Variants in KLHL26 observed in about 807,000 individuals in gnomAD.
KLHL26 encodes the protein kelch like family member 26.
A neutral mutation model predicts 7.1 loss-of-function variants in KLHL26; 4 were observed. That is an observed-to-expected ratio of 0.56 (90% CI 0.28 to 1.28). The LOEUF is 1.28. Ranked by LOEUF, KLHL26 falls within the 50% of genes most tolerant of loss-of-function variation. The probability of loss-of-function intolerance (pLI) is 0.11; values close to 1 mark genes in which losing one functional copy is unlikely to be tolerated. For missense variants in KLHL26, 896 were observed against 924.6 expected, an observed-to-expected ratio of 0.97 and a Z score of 0.40; for synonymous variants, 465 against 414.1, an observed-to-expected ratio of 1.12 and a Z score of -1.49.
In KLHL26 at chr19:18,664,346, C is replaced by T. The variant is rs202208933; in HGVS notation, c.169C>T (p.Arg57Cys). The T allele has an allele frequency of 5.6e-6, 9 of 1,609,640 alleles. No homozygotes were observed. The highest frequency in any genetic ancestry group is 3.3e-5 in the Admixed American group (2 of 60,004). The part of the protein sequence containing the change: ...TSLLQGLATL[R>C]AQGQLLDVVL... ...CCTCCTGCAGGGCCTGGCCACCCTC[C>T]GCGCTCAGGGCCAGCTCCTCGATGT... The change falls in exon 2 of 3, where the codon CGC becomes TGC. Residue 57 changes from arginine (R) to cysteine (C), a missense_variant. Transcript: ENST00000300976.
intron 1 of KLHL26, among the ~76,000 whole-genome samples, chr19:18,652,186 C>T (rs1227253339): frequency 5.3e-5 from 8 of 152,070 alleles, no homozygotes; most frequent in Non-Finnish European, 1.0e-4. Flanking sequence ...ACAGGATGTG[C>T]AGGAGAGTCC....
At chr19:18,652,181 A>T (rs553663666) in intron 1 of KLHL26, among the ~76,000 whole-genome samples, 1 of 152,248 alleles carries the variant, frequency 6.6e-6, no homozygotes, top group South Asian at 2.1e-4. Context: ...CAGAGACAGG[A>T]TGTGCAGGAG....
At chr19:18,642,687 G>T (rs1435165929) in intron 1 of KLHL26, among the ~76,000 whole-genome samples, 2 of 151,206 alleles carry the variant, frequency 1.3e-5, no homozygotes, top group Non-Finnish European at 2.9e-5. Flanking sequence ...TTGTTTGTTT[G>T]GTTTGGTTTG....
chr19:18,665,488 G>T (rs2052438747), intron 2 of KLHL26, among the ~76,000 whole-genome samples: 2 of 152,266 alleles, frequency 1.3e-5, no homozygotes, highest in African/African-American at 4.8e-5. Flanking sequence ...GAGCAGGACA[G>T]CTGGGGGACT....
intron 1 of KLHL26, among the ~76,000 whole-genome samples, chr19:18,651,683 A>G (rs1460935291): frequency 6.6e-6 from 1 of 152,246 alleles, no homozygotes; most frequent in Non-Finnish European, 1.5e-5. Context: ...TGGGGCTTCA[A>G]CACCTGTCCT....
chr19:18,669,106 G>A lies in KLHL26; in HGVS notation c.1709G>A (p.Arg570His). The change falls in exon 3 of 3, where the codon CGT becomes CAT. Residue 570 changes from arginine to histidine, a missense_variant. By Grantham distance (29) the Arg-to-His change is conservative. Coordinates refer to ENST00000300976, the MANE Select transcript of KLHL26 (RefSeq NM_018316.3). Reference sequence around the variant, plus strand: ...TACATCGTCGGGGGCTACAACTGGCGTCTCAACAACGTCACGGGCATCGTA... The same window carrying A: ...TACATCGTCGGGGGCTACAACTGGCATCTCAACAACGTCACGGGCATCGTA... ...KIYIVGGYNW[R>H]LNNVTGIVQV... The A allele has an allele frequency of 1.2e-6, 2 of 1,612,938 alleles. No homozygotes were observed. Among genetic ancestry groups the A allele is most frequent in the Middle Eastern group, 1.7e-4 (1 of 6,060 alleles).
At chr19:18,642,505 C>T (rs545404700) in intron 1 of KLHL26, among the ~76,000 whole-genome samples, 68 of 152,026 alleles carry the variant, frequency 4.5e-4, no homozygotes, top group African/African-American at 1.5e-3. Flanking sequence ...GCTGGGATTA[C>T]GGGCGCCTGC....
chr19:18,644,941 A>G (rs980018760), intron 1 of KLHL26, among the ~76,000 whole-genome samples: 4 of 152,096 alleles, frequency 2.6e-5, no homozygotes, highest in East Asian at 3.9e-4. Context: ...ACCGCCCCCA[A>G]CGTTATATAA....
In KLHL26 at chr19:18,649,228, CA is replaced by C. The variant is rs768093385; in HGVS notation, c.83+12092del. ...CTGTAGAATGTACGTTCCCCAAGGG[CA>C]GGGCTTTATCAGATCTTTTTACAGT... On this transcript the variant is annotated intron_variant, in intron 1 of 2. Transcript: ENST00000300976. This position sits in a 1 kb window ranked among gnomAD's most constrained non-coding sequence, Gnocchi z 4.0. 5.3e-5 allele frequency among the ~76,000 whole-genome samples: 8 copies of C among 152,356 alleles called. No individual in the cohort carries two copies. The East Asian group carries it at 1.4e-3, about 26-fold the overall frequency.
At chr19:18,657,216 C>CCTGGGTCTCTGTCTCCCTGTCT (rs2052343764) in intron 1 of KLHL26, among the ~76,000 whole-genome samples, 1 of 139,374 alleles carries the variant, frequency 7.2e-6, no homozygotes, top group African/African-American at 2.7e-5. Flanking sequence ...TCTCCCTGTC[C>CCTGGGTCTCTGTCTCCCTGTCT]CTGGGTCTCT....
chr19:18,652,243 C>T (rs1194003420), intron 1 of KLHL26, among the ~76,000 whole-genome samples: 1 of 152,092 alleles, frequency 6.6e-6, no homozygotes, highest in Non-Finnish European at 1.5e-5. Flanking sequence ...TACACTAGGA[C>T]TCGGGCCAGG....
Position 18,671,345 on chromosome 19 carries a change from C to G in KLHL26, c.*2100C>G, listed in dbSNP as rs967517179. ...CTGTCAGGGGCATCGAGACAAAAGC[C>G]GAGTTCCCTGGGGACTTACCAGAAC... On this transcript the variant is annotated 3_prime_UTR_variant, in exon 3 of 3. Transcript: ENST00000300976. 6.6e-6 allele frequency: 1 copy of G among 152,248 alleles called. No individual in the cohort carries two copies. Among genetic ancestry groups the G allele is most frequent in the African/African-American group, 2.4e-5 (1 of 41,440 alleles). 9.4% of individuals were successfully genotyped at this position (152,248 alleles called of 1,614,324 possible).
At chr19:18,638,592 A>T (rs1477944878) in intron 1 of KLHL26, among the ~76,000 whole-genome samples, 1 of 152,204 alleles carries the variant, frequency 6.6e-6, no homozygotes, top group East Asian at 1.9e-4. Context: ...AGGGCTTGAA[A>T]ATTGGGTATC....
rs984986191 is a variant in KLHL26 at position 18,656,929 on chromosome 19, C to A, written c.84-7332C>A. ...GCGGCCCCTGAGCTGCAGTCTCTGT[C>A]TCCCTGTCTCTGAGTCTCTGTCCCT... On this transcript the variant is annotated intron_variant, in intron 1 of 2. Coordinates refer to ENST00000300976, the MANE Select transcript of KLHL26 (RefSeq NM_018316.3). The surrounding 1 kb of genome is among the most constrained non-coding windows in gnomAD (Gnocchi z 4.4). Among the ~76,000 whole-genome samples, 5 of 152,202 alleles carry A rather than the reference C, an allele frequency of 3.3e-5. No homozygotes were observed. The highest frequency in any genetic ancestry group is 2.0e-4 in the Admixed American group (3 of 15,288).
intron 1 of KLHL26, among the ~76,000 whole-genome samples, chr19:18,657,240 T>C (rs2052344225): frequency 6.6e-6 from 1 of 151,686 alleles, no homozygotes; most frequent in Non-Finnish European, 1.5e-5. Context: ...TCCCTGTCTC[T>C]GGGTCTGTGT....
Position 18,649,593 on chromosome 19 carries a change from C to T in KLHL26, c.83+12456C>T, listed in dbSNP as rs1254336883. On this transcript the variant is annotated intron_variant, in intron 1 of 2. Transcript: ENST00000300976. This position sits in a 1 kb window ranked among gnomAD's most constrained non-coding sequence, Gnocchi z 4.0. Reference sequence around the variant, plus strand: ...TGCATGTTAAAGCAAAGGCGGCAAACGACAGCCGCTCTCTCCCTGTCCAGC... The same window carrying T: ...TGCATGTTAAAGCAAAGGCGGCAAATGACAGCCGCTCTCTCCCTGTCCAGC... Among the ~76,000 whole-genome samples, 3 of 152,372 alleles carry T rather than the reference C, an allele frequency of 2.0e-5. No homozygotes were observed. The highest frequency in any genetic ancestry group is 1.9e-4 in the East Asian group (1 of 5,186).
intron 1 of KLHL26, among the ~76,000 whole-genome samples, chr19:18,658,665 G>T (rs116477711): frequency 1.7e-4 from 24 of 142,916 alleles, no homozygotes; most frequent in African/African-American, 5.6e-4. Flanking sequence ...CTCTCCCTGG[G>T]TGTCTCTTTC....
rs1440210363 is a variant in KLHL26 at position 18,668,676 on chromosome 19, C to T, written c.1279C>T (p.Leu427=). ...GGGCGGCCGCAACCGAGCCGGCAGCCTGGCCTCCGTGGAGCGGTACTGCCC... is the reference window on the plus strand; with the variant it reads ...GGGCGGCCGCAACCGAGCCGGCAGCTTGGCCTCCGTGGAGCGGTACTGCCC... The part of the protein sequence containing the change: ...ATGGRNRAGS[L]ASVERYCPRR... Residue 427 remains leucine (L), a synonymous_variant, in exon 3 of 3, where the codon CTG becomes TTG. Coordinates refer to ENST00000300976, the MANE Select transcript of KLHL26 (RefSeq NM_018316.3). 1 of 1,574,894 alleles carries T rather than the reference C, an allele frequency of 6.3e-7. No homozygotes were observed. Among genetic ancestry groups the T allele is most frequent in the South Asian group, 1.1e-5 (1 of 88,512 alleles).
At position 18,668,277 on chromosome 19, in the gene KLHL26, C is replaced by T; in HGVS notation, c.880C>T (p.Gln294Ter). 6.2e-7 allele frequency: 1 copy of T among 1,611,950 alleles called. No individual in the cohort carries two copies. Residue 294 changes from glutamine to a stop codon, truncating the protein, a stop_gained, in exon 3 of 3, where the codon CAG (glutamine) becomes TAG (stop). Transcript: ENST00000300976. LOFTEE classifies it low-confidence loss of function (END_TRUNC). ...AFNYQVLPFR[Q>*]HEMQSPRTAV... ...CAACTACCAGGTGCTGCCCTTCCGG[C>T]AGCACGAGATGCAGTCTCCGCGCAC...
Sources: gnomAD v4.1 joint callset for allele counts (sites outside exome capture counted in the v4.1 genomes callset) on GRCh38, gnomAD v4.1.1 for gene constraint, Gnocchi (gnomAD v3.1) non-coding constraint, MANE v1.5 for transcripts, NCBI Gene and HGNC (gene_info 2026-07-23, HGNC 2026-07-21) for gene names.